Variants in LPA observed in about 807,000 individuals in gnomAD.
The protein encoded by LPA is apolipoprotein(a).
Under a neutral mutation model 197.9 loss-of-function variants are expected in LPA, and 199 were observed. That is an observed-to-expected ratio of 1.01 (90% CI 0.90 to 1.13). The LOEUF is 1.13. Ranked by LOEUF, LPA falls within the 50% of genes most tolerant of loss-of-function variation. The pLI, the probability that LPA is intolerant of heterozygous loss-of-function variation, is 0.00. For synonymous variants in LPA, 715 were observed against 639.5 expected (o/e 1.12, Z -1.78); for missense variants, 1,853 against 1,785.8 (o/e 1.04, Z -0.68).
Position 160,542,762 on chromosome 6 carries a change from T to G in LPA, c.5445A>C (p.Lys1815Asn), listed in dbSNP as rs1481517028. ...ACCCCCCTACAATGCTTCCAGGACA[T>G]TTCTTCGGCTCCACTTGAGGCTTCC... ...DCGKPQVEPK[K>N]CPGSIVGGCV... is the part of the protein sequence containing the mutation. The change falls in exon 34 of 39, where the codon AAA (lysine) becomes AAC (asparagine). Residue 1815 changes from lysine (K) to asparagine (N), a missense_variant. Lys to Asn is a moderately conservative substitution (Grantham distance 94). This residue lies in a region of LPA where 1,737 missense variants were observed against 1,504.4 expected (regional missense o/e 1.15). Transcript: ENST00000316300. 1.2e-6 allele frequency: 2 copies of G among 1,614,136 alleles called. No individual in the cohort carries two copies. Among genetic ancestry groups the G allele is most frequent in the South Asian group, 2.2e-5 (2 of 91,084 alleles).
intron 7 of LPA, among the ~76,000 whole-genome samples, chr6:160,634,523 C>A (rs1019631269): frequency 7.1e-6 from 1 of 140,084 alleles, no homozygotes; most frequent in African/African-American, 2.9e-5. Context: ...GTCTACTAAC[C>A]TTTCTCTCTA....
At chr6:160,578,296 C>T (rs891379321) in intron 27 of LPA, among the ~76,000 whole-genome samples, 8 of 152,018 alleles carry the variant, frequency 5.3e-5, no homozygotes, top group Non-Finnish European at 7.4e-5. Context: ...AGTGCCCTGG[C>T]GGGTCTGTGC....
At chr6:160,558,821 C>A (rs1407838959) in intron 28 of LPA, among the ~76,000 whole-genome samples, 2 of 152,164 alleles carry the variant, frequency 1.3e-5, no homozygotes, top group African/African-American at 4.8e-5. Flanking sequence ...GTTGACCCAA[C>A]TTGTCAGAAT....
At chr6:160,610,246 C>T (rs1410827722) in intron 16 of LPA, among the ~76,000 whole-genome samples, 1 of 152,130 alleles carries the variant, frequency 6.6e-6, no homozygotes, top group East Asian at 1.9e-4. Flanking sequence ...TTGTTGTTTA[C>T]TTCTGAAGAG....
At chr6:160,549,061 G>A (rs1198483653) in intron 30 of LPA, among the ~76,000 whole-genome samples, 1 of 152,152 alleles carries the variant, frequency 6.6e-6, no homozygotes, top group East Asian at 1.9e-4. Context: ...ACAGGCGGCA[G>A]GACAGAGTAA....
chr6:160,593,702 G>A (rs1298326348), intron 22 of LPA, among the ~76,000 whole-genome samples: 6 of 152,172 alleles, frequency 3.9e-5, no homozygotes, highest in Non-Finnish European at 8.8e-5. Context: ...ACGTGGCCAT[G>A]TGTCCTGAGC....
intron 37 of LPA, among the ~76,000 whole-genome samples, chr6:160,534,376 G>T (rs1476283345): frequency 6.6e-6 from 1 of 152,228 alleles, no homozygotes; most frequent in Non-Finnish European, 1.5e-5. Context: ...AGTATGTGCT[G>T]CCATCTCGTG....
chr6:160,558,119 C>T (rs974738489), intron 28 of LPA, among the ~76,000 whole-genome samples: 5 of 152,036 alleles, frequency 3.3e-5, no homozygotes. Flanking sequence ...CAGGGTTTCA[C>T]CGTGTTAGCC....
chr6:160,557,183 C>T (rs753376681), intron 29 of LPA, among the ~76,000 whole-genome samples: 11 of 151,920 alleles, frequency 7.2e-5, no homozygotes, highest in Non-Finnish European at 1.5e-4. Context: ...AAGTCAAGTG[C>T]CCAGGTGGGT....
intron 24 of LPA, 95 bp downstream of exon 24, chr6:160,589,458 A>AAATTGGG: frequency 7.0e-7 from 1 of 1,436,128 alleles, no homozygotes; most frequent in Non-Finnish European, 9.8e-7. Context: ...GGTCTGAGAG[A>AAATTGGG]AATTGGGTCA....
chr6:160,607,227 G>C (rs781711904), intron 16 of LPA, among the ~76,000 whole-genome samples: 13 of 152,046 alleles, frequency 8.6e-5, no homozygotes, highest in Non-Finnish European at 1.0e-4. Context: ...GAAAAGCACT[G>C]TGCAAATTGT....
At chr6:160,532,476 G>GGAATGA (rs1360499233) in intron 38 of LPA, 55 bp downstream of exon 38, 1 of 1,368,992 alleles carries the variant, frequency 7.3e-7, no homozygotes, top group Admixed American at 1.7e-5. Context: ...GACGTCTAAG[G>GGAATGA]GACTGAGACT....
rs147914802 is a variant in LPA, at chr6:160,601,036, G to A, written c.3008C>T (p.Thr1003Ile). 5.0e-6 allele frequency: 8 copies of A among 1,614,088 alleles called. No homozygotes were observed. Among genetic ancestry groups the A allele is most frequent in the South Asian group, 3.3e-5 (3 of 91,084 alleles). Residue 1003 changes from threonine (T) to isoleucine (I), a missense_variant, in exon 19 of 39, where the codon ACA becomes ATA. By Grantham distance (89) the Thr-to-Ile change is moderately conservative. Coordinates refer to ENST00000316300, the MANE Select transcript of LPA (RefSeq NM_005577.4). Reference protein sequence around the residue: ...DPVAAPWCYTTDPSVRWEYCN... With the variant: ...DPVAAPWCYTIDPSVRWEYCN... Reference sequence around the variant, plus strand: ...GTACTCCCACCTGACACTGGGATCTGTTGTATAACACCAAGGGGCTGCCAC... The same window carrying A: ...GTACTCCCACCTGACACTGGGATCTATTGTATAACACCAAGGGGCTGCCAC...
At chr6:160,593,909 A>G (rs767075353) in intron 22 of LPA, 49 bp downstream of exon 22, 1 of 1,606,272 alleles carries the variant, frequency 6.2e-7, no homozygotes, top group African/African-American at 1.3e-5. Context: ...CTTCCAAGAG[A>G]AATGTAAGGG....
intron 30 of LPA, among the ~76,000 whole-genome samples, chr6:160,549,358 G>A (rs1020021820): frequency 1.3e-5 from 2 of 152,192 alleles, no homozygotes; most frequent in African/African-American, 4.8e-5. Flanking sequence ...CTTCTGCCAA[G>A]CACATACCCC....
At chr6:160,596,527 C>A (rs1240822229) in intron 20 of LPA, among the ~76,000 whole-genome samples, 1 of 151,878 alleles carries the variant, frequency 6.6e-6, no homozygotes, top group Non-Finnish European at 1.5e-5. Flanking sequence ...TATAAGAAAC[C>A]AACACTGAGA....
At chr6:160,557,248 C>T (rs981760515) in intron 29 of LPA, 142 bp downstream of exon 29, 10 of 1,030,104 alleles carry the variant, frequency 9.7e-6, no homozygotes, top group Non-Finnish European at 1.5e-5. Context: ...ATTGCTCCAC[C>T]AGAGAGAGTG....
At chr6:160,632,031 T>G in intron 8 of LPA, among the ~76,000 whole-genome samples, 1 of 151,456 alleles carries the variant, frequency 6.6e-6, no homozygotes, top group African/African-American at 2.4e-5. Context: ...TGTAGCTCAT[T>G]CTGTAGGTTC....
intron 2 of LPA, among the ~76,000 whole-genome samples, chr6:160,646,818 T>A (rs532944697): frequency 6.7e-6 from 1 of 149,826 alleles, no homozygotes; most frequent in Admixed American, 6.6e-5. Flanking sequence ...TCTCTCTCGG[T>A]AGGACTTCAT....
Sources: gnomAD v4.1 joint callset for allele counts (sites outside exome capture counted in the v4.1 genomes callset) on GRCh38, gnomAD v4.1.1 for gene constraint, gnomAD v4.1.1 regional missense constraint, MANE v1.5 for transcripts, NCBI Gene and HGNC (gene_info 2026-07-23, HGNC 2026-07-21) for gene names.